The following IKZF1 variants were observed in gnomAD, a reference collection of about 807,000 sequenced individuals.
IKZF1 encodes the protein DNA-binding protein Ikaros.
IKZF1 carries 10 observed loss-of-function variants against 51.7 expected under a neutral mutation model. The ratio of observed to expected loss-of-function variants is 0.19; its 90% CI spans 0.12 to 0.33. The LOEUF (loss-of-function observed/expected upper bound fraction) is 0.33, where lower values mean the gene tolerates loss of function less well. Among genes scored for constraint, IKZF1 ranks in the 10% least tolerant of loss-of-function variants. The pLI, the probability that IKZF1 is intolerant of heterozygous loss-of-function variation, is 1.00. For missense variants in IKZF1, 484 were observed against 707.5 expected (o/e 0.68, Z 3.58); for synonymous variants, 280 against 282.3 (o/e 0.99, Z 0.08).
At chr7:50,358,189 T>C (rs1353609169) in intron 3 of IKZF1, among the ~76,000 whole-genome samples, 1 of 152,122 alleles carries the variant, frequency 6.6e-6, no homozygotes, top group Non-Finnish European at 1.5e-5. Flanking sequence ...ATCATAAAAC[T>C]AGAAAGATGG....
chr7:50,348,556 A>G (rs1460520806), intron 3 of IKZF1, among the ~76,000 whole-genome samples: 1 of 152,214 alleles, frequency 6.6e-6, no homozygotes, highest in African/African-American at 2.4e-5. Flanking sequence ...GACCCTGGAC[A>G]TCATCCACAG....
intron 3 of IKZF1, chr7:50,368,596 C>T: frequency 2.1e-6 from 1 of 476,670 alleles, no homozygotes; most frequent in Non-Finnish European, 3.7e-6. Flanking sequence ...ACTGTTCCTG[C>T]TTGGTGCCCG....
In IKZF1 at chr7:50,403,820, C is replaced by CTTGTT. The variant is rs1226271739; in HGVS notation, c.*3207_*3211dup. ...CCACCGACCATTTTTGTGCTTTTTT[C>CTTGTT]TTGTTTTGTTTTGTTTTGACTGCAC... On this transcript the variant is annotated 3_prime_UTR_variant, in exon 8 of 8. Coordinates refer to ENST00000331340, the MANE Select transcript of IKZF1 (RefSeq NM_006060.6). 1 of 224,108 alleles carries CTTGTT rather than the reference C, an allele frequency of 4.5e-6. No homozygotes were observed. Among genetic ancestry groups the CTTGTT allele is most frequent in the Non-Finnish European group, 8.9e-6 (1 of 112,040 alleles). 13.9% of individuals were successfully genotyped at this position (224,108 alleles called of 1,614,324 possible).
chr7:50,382,756 C>T (rs1213491065), intron 5 of IKZF1, 49 bp downstream of exon 5: 18 of 1,555,044 alleles, frequency 1.2e-5, no homozygotes, highest in Non-Finnish European at 1.4e-5. Flanking sequence ...CCCGGGATTC[C>T]TCCACTCTGC....
chr7:50,382,819 C>A, intron 5 of IKZF1, 112 bp downstream of exon 5: 1 of 1,323,072 alleles, frequency 7.6e-7, no homozygotes, highest in Non-Finnish European at 1.0e-6. Context: ...TCCCTCCCAG[C>A]TCGCAGTCCT....
intron 3 of IKZF1, among the ~76,000 whole-genome samples, chr7:50,337,292 G>A (rs1445152206): frequency 6.6e-6 from 1 of 152,180 alleles, no homozygotes; most frequent in East Asian, 1.9e-4. Flanking sequence ...GTAAGTGGGA[G>A]CTAGCAGAAT....
At chr7:50,344,089 A>G (rs1799760174) in intron 3 of IKZF1, among the ~76,000 whole-genome samples, 1 of 152,230 alleles carries the variant, frequency 6.6e-6, no homozygotes, top group Non-Finnish European at 1.5e-5. Flanking sequence ...AAAGATTTTG[A>G]AGCAGAAGTC....
At chr7:50,351,576 G>A (rs1477298017) in intron 3 of IKZF1, among the ~76,000 whole-genome samples, 2 of 152,188 alleles carry the variant, frequency 1.3e-5, no homozygotes, top group African/African-American at 4.8e-5. Flanking sequence ...GAAGTAAAAT[G>A]TGCTGCCCTG....
intron 3 of IKZF1, among the ~76,000 whole-genome samples, chr7:50,348,797 A>C (rs1801052176): frequency 6.6e-6 from 1 of 152,216 alleles, no homozygotes; most frequent in South Asian, 2.1e-4. Flanking sequence ...AATAAAATGC[A>C]CCAGAACCAT....
chr7:50,396,687 A>AT (rs1335413213), intron 7 of IKZF1, among the ~76,000 whole-genome samples: 7 of 151,452 alleles, frequency 4.6e-5, no homozygotes, highest in South Asian at 2.1e-4. Context: ...TTCCCACTAT[A>AT]TTTTTTTTTC....
intron 1 of IKZF1, among the ~76,000 whole-genome samples, chr7:50,308,146 T>C (rs1021088457): frequency 1.5e-4 from 23 of 152,216 alleles, no homozygotes; most frequent in African/African-American, 5.5e-4. Context: ...TGAAACCTTA[T>C]GAAGTGCCAT....
At chr7:50,391,635 T>C (rs1815094243) in intron 6 of IKZF1, 94 bp from the exon 7 acceptor site, 1 of 1,528,232 alleles carries the variant, frequency 6.5e-7, no homozygotes, top group Non-Finnish European at 8.8e-7. Context: ...CTGGCTCTTG[T>C]AGGCACTTAA....
chr7:50,318,402 C>T (rs148938799), intron 1 of IKZF1: 4,879 of 229,006 alleles, frequency 0.021, 66 homozygotes, highest in Non-Finnish European at 0.034. Context: ...CCGTAGTGAG[C>T]GTCACTTCTC....
chr7:50,310,640 G>A (rs908489624), intron 1 of IKZF1, among the ~76,000 whole-genome samples: 52 of 152,182 alleles, frequency 3.4e-4, no homozygotes, highest in African/African-American at 1.3e-3. Context: ...AATGGTTTTG[G>A]CATGAGTGTC....
chr7:50,337,402 C>T lies in IKZF1; in HGVS notation c.160+9645C>T, dbSNP rs903234183. Among the ~76,000 whole-genome samples the T allele has an allele frequency of 7.6e-3, 1,157 of 152,236 alleles. 16 individuals carry two copies. The highest frequency in any genetic ancestry group is 0.026 in the African/African-American group (1,092 of 41,516). On this transcript the variant is annotated intron_variant, in intron 3 of 7. Coordinates refer to ENST00000331340, the MANE Select transcript of IKZF1 (RefSeq NM_006060.6). Reference sequence around the variant, plus strand: ...GACTATCCCCTAGGTTTCCTCTTGGCGCTCTTCTCCCTTCCCTCAGGGCTC... The same window carrying T: ...GACTATCCCCTAGGTTTCCTCTTGGTGCTCTTCTCCCTTCCCTCAGGGCTC...
intron 3 of IKZF1, among the ~76,000 whole-genome samples, chr7:50,363,061 C>T (rs145243671): frequency 4.6e-5 from 7 of 152,228 alleles, no homozygotes; most frequent in South Asian, 4.2e-4. Context: ...AGGGTAGAGG[C>T]GAGCCCCCTG....
chr7:50,387,543 A>G (rs1278413600), intron 6 of IKZF1, 73 bp downstream of exon 6: 1 of 1,513,518 alleles, frequency 6.6e-7, no homozygotes, highest in African/African-American at 1.4e-5. Flanking sequence ...GGCGCTCTGC[A>G]TGCAGCCTTA....
chr7:50,340,350 G>T, intron 3 of IKZF1, among the ~76,000 whole-genome samples: 1 of 152,250 alleles, frequency 6.6e-6, no homozygotes, highest in African/African-American at 2.4e-5. Context: ...AGGGGATGTG[G>T]CTGCAGGCTG....
chr7:50,352,188 T>A (rs1802035310), intron 3 of IKZF1, among the ~76,000 whole-genome samples: 1 of 152,218 alleles, frequency 6.6e-6, no homozygotes, highest in Non-Finnish European at 1.5e-5. Context: ...TGGCCATAGG[T>A]CCTGAACCTC....
Sources: allele counts gnomAD v4.1 joint callset (sites outside exome capture counted in the v4.1 genomes callset), GRCh38; gene constraint gnomAD v4.1.1; transcripts MANE v1.5; gene names NCBI Gene and HGNC (gene_info 2026-07-23, HGNC 2026-07-21).